The following CHCHD6 variants were observed in gnomAD, a reference collection of about 807,000 sequenced individuals.
The protein encoded by CHCHD6 is MICOS complex subunit MIC25.
CHCHD6 carries 28 observed loss-of-function variants against 32.3 expected under a neutral mutation model. The ratio of observed to expected loss-of-function variants is 0.87; its 90% CI spans 0.64 to 1.19. CHCHD6 has a LOEUF of 1.19. Ranked by LOEUF, CHCHD6 falls within the 50% of genes most tolerant of loss-of-function variation. The probability of loss-of-function intolerance (pLI) is 0.00; values close to 1 mark genes in which losing one functional copy is unlikely to be tolerated. For synonymous variants in CHCHD6, 122 were observed against 117.5 expected (o/e 1.04, Z -0.25); for missense variants, 333 against 307.0 (o/e 1.08, Z -0.63).
chr3:126,796,301 G>C (rs960310885), intron 4 of CHCHD6, among the ~76,000 whole-genome samples: 1 of 152,190 alleles, frequency 6.6e-6, no homozygotes, highest in African/African-American at 2.4e-5. Flanking sequence ...AGTGAGCTGA[G>C]ATCATGCCAC....
At chr3:126,739,084 G>T (rs1936178309) in intron 4 of CHCHD6, among the ~76,000 whole-genome samples, 1 of 152,234 alleles carries the variant, frequency 6.6e-6, no homozygotes, top group Non-Finnish European at 1.5e-5. Flanking sequence ...TCCAGTGTGA[G>T]TGTTATGTGG....
At chr3:126,769,538 C>G (rs929119826) in intron 4 of CHCHD6, among the ~76,000 whole-genome samples, 3 of 152,170 alleles carry the variant, frequency 2.0e-5, no homozygotes, top group Non-Finnish European at 4.4e-5. Context: ...GAGTCTCACT[C>G]TGTTGCCCAC....
chr3:126,771,393 C>G (rs571551390), intron 4 of CHCHD6, among the ~76,000 whole-genome samples: 61 of 151,732 alleles, frequency 4.0e-4, no homozygotes, highest in African/African-American at 1.4e-3. Flanking sequence ...TTAGTATAGA[C>G]GGGGTTTCAC....
chr3:126,868,764 G>T (rs2077424968), intron 5 of CHCHD6, among the ~76,000 whole-genome samples: 1 of 152,142 alleles, frequency 6.6e-6, no homozygotes. Flanking sequence ...CTCCACCTAA[G>T]TTACTTTAGG....
chr3:126,720,338 G>A (rs1159898236), intron 1 of CHCHD6, among the ~76,000 whole-genome samples: 1 of 152,186 alleles, frequency 6.6e-6, no homozygotes, highest in Non-Finnish European at 1.5e-5. Flanking sequence ...GGACCCCTGA[G>A]GTTCATTCCT....
intron 4 of CHCHD6, among the ~76,000 whole-genome samples, chr3:126,736,617 T>C (rs1433827738): frequency 6.6e-6 from 1 of 152,160 alleles, no homozygotes; most frequent in Non-Finnish European, 1.5e-5. Flanking sequence ...CAAGGAAAGG[T>C]AATAATTTTT....
intron 4 of CHCHD6, among the ~76,000 whole-genome samples, chr3:126,824,935 C>A (rs2107538603): frequency 6.6e-6 from 1 of 152,128 alleles, no homozygotes; most frequent in South Asian, 2.1e-4. Flanking sequence ...GATTTGTATC[C>A]TTTACTATTT....
At chr3:126,807,266 G>T (rs1040878434) in intron 4 of CHCHD6, among the ~76,000 whole-genome samples, 1 of 151,578 alleles carries the variant, frequency 6.6e-6, no homozygotes, top group African/African-American at 2.4e-5. Context: ...GAGAAAAAAG[G>T]AACTCAGGGA....
chr3:126,958,902 A>G (rs901992719), intron 7 of CHCHD6, among the ~76,000 whole-genome samples: 2 of 152,208 alleles, frequency 1.3e-5, no homozygotes, highest in African/African-American at 4.8e-5. Flanking sequence ...TGAAGCCTCC[A>G]GATCCTCCAC....
chr3:126,932,286 A>G (rs2078417483), intron 6 of CHCHD6, among the ~76,000 whole-genome samples: 1 of 152,132 alleles, frequency 6.6e-6, no homozygotes, highest in African/African-American at 2.4e-5. Flanking sequence ...CCTCAGAATC[A>G]TGGAATAGAG....
intron 4 of CHCHD6, among the ~76,000 whole-genome samples, chr3:126,818,874 G>A (rs901400071): frequency 2.6e-5 from 4 of 152,210 alleles, no homozygotes; most frequent in Admixed American, 6.5e-5. Context: ...CTGGGACAGC[G>A]GCTGGTGGGG....
intron 4 of CHCHD6, among the ~76,000 whole-genome samples, chr3:126,765,368 C>G (rs1305302279): frequency 6.6e-6 from 1 of 152,208 alleles, no homozygotes; most frequent in African/African-American, 2.4e-5. Flanking sequence ...TCACTCAGCA[C>G]AGCGAGCTCG....
At chr3:126,937,595 T>C (rs73209634) in intron 6 of CHCHD6, among the ~76,000 whole-genome samples, 3,849 of 152,284 alleles carry the variant, frequency 0.025, 59 homozygotes, top group Middle Eastern at 0.061. Context: ...TGTATTTTGT[T>C]GCAGAGGTTT....
chr3:126,891,436 G>C (rs1318218578), intron 5 of CHCHD6, among the ~76,000 whole-genome samples: 2 of 152,166 alleles, frequency 1.3e-5, no homozygotes, highest in African/African-American at 2.4e-5. Context: ...TAGTGGGAGT[G>C]GGAGATGGGC....
chr3:126,708,698 A>T (rs989188428), intron 1 of CHCHD6, among the ~76,000 whole-genome samples: 36 of 151,436 alleles, frequency 2.4e-4, no homozygotes, highest in Admixed American at 7.9e-4. Context: ...TTTACATATT[A>T]TAAAATTCAC....
intron 4 of CHCHD6, among the ~76,000 whole-genome samples, chr3:126,788,260 C>T (rs1206340376): frequency 2.0e-5 from 3 of 152,128 alleles, no homozygotes; most frequent in African/African-American, 4.8e-5. Flanking sequence ...CATTGATGTT[C>T]TTCAGGGATA....
intron 5 of CHCHD6, among the ~76,000 whole-genome samples, chr3:126,864,876 C>T (rs1214130740): frequency 7.4e-6 from 1 of 135,894 alleles, no homozygotes; most frequent in Non-Finnish European, 1.5e-5. Flanking sequence ...CCATCATCTC[C>T]TCCTCCTCCT....
In CHCHD6 at chr3:126,730,625, C is replaced by G. The variant is rs201950291; in HGVS notation, c.261C>G (p.Val87=). ...GQQPSGMKEG[V]KRYEQEHAAI... is the part of the protein sequence containing the mutation. The stretch of plus-strand genomic sequence containing the variant: ...AGCCCTCAGGGATGAAGGAGGGTGT[C>G]AAGAGGTGAGCCCGAGAGCCTGCTT... The change falls in exon 3 of 8, where the codon GTC becomes GTG. Residue 87 remains valine (V), a synonymous_variant. Transcript: ENST00000290913. The G allele has an allele frequency of 6.8e-6, 11 of 1,613,700 alleles. No individual in the cohort carries two copies. The East Asian group carries it at 2.5e-4, about 36-fold the overall frequency.
chr3:126,764,313 A>G (rs6779670), intron 4 of CHCHD6, among the ~76,000 whole-genome samples: 66,849 of 150,974 alleles, frequency 0.44, 16,087 homozygotes, highest in African/African-American at 0.64. Context: ...CATGCTAATC[A>G]TCTTTCAAAT....
Sources: allele counts gnomAD v4.1 joint callset (sites outside exome capture counted in the v4.1 genomes callset), GRCh38; gene constraint gnomAD v4.1.1; transcripts MANE v1.5; gene names NCBI Gene and HGNC (gene_info 2026-07-23, HGNC 2026-07-21).